The following NCALD variants were observed in gnomAD, a reference collection of about 807,000 sequenced individuals.
The protein encoded by NCALD is neurocalcin delta.
Under a neutral mutation model 18.6 loss-of-function variants are expected in NCALD, and 10 were observed. The observed-to-expected ratio is 0.54, with a 90% confidence interval of 0.33 to 0.91. The LOEUF is 0.91. Ranked by LOEUF, NCALD falls within the 40% of genes least tolerant of loss-of-function variation. NCALD has a pLI of 0.03. For missense variants in NCALD, 184 were observed against 247.6 expected (o/e 0.74, Z 1.72); for synonymous variants, 88 against 87.4 (o/e 1.01, Z -0.04).
At position 101,999,515 on chromosome 8, in the gene NCALD, G is replaced by A. The variant is rs550129365; in HGVS notation, c.-157+20722C>T. On this transcript the variant is annotated intron_variant, in intron 2 of 6. Coordinates refer to the NCALD transcript ENST00000311028. ...ATGATACAATGGACTTTGGGGACTC[G>A]GGGGAAAGGGTAGGGAGGTGAGGAA... 4.1e-4 allele frequency among the ~76,000 whole-genome samples: 63 copies of A among 152,202 alleles called. No individual in the cohort carries two copies. In the South Asian group the frequency reaches 0.011, roughly 27 times the overall value.
Position 101,719,345 on chromosome 8 carries a change from C to T in NCALD, c.285G>A (p.Gly95=), listed in dbSNP as rs761760762. 1.5e-5 allele frequency: 24 copies of T among 1,614,192 alleles called. No homozygotes were observed. Among genetic ancestry groups the T allele is most frequent in the Non-Finnish European group, 2.0e-5 (24 of 1,180,032 alleles). Residue 95 remains glycine (G), a synonymous_variant, in exon 2 of 4, where the codon GGG becomes GGA. Coordinates refer to ENST00000220931, the MANE Select transcript of NCALD (RefSeq NM_032041.3). ...CCCATTTCAGCTTCTGCTCCAGCTT[C>T]CCCCTCGAAGTTACACTCAAGGCGA... The part of the protein sequence containing the change: ...FIIALSVTSR[G]KLEQKLKWAF...
chr8:102,027,639 G>T (rs1425623952), intron 1 of NCALD, among the ~76,000 whole-genome samples: 2 of 151,980 alleles, frequency 1.3e-5, no homozygotes, highest in Non-Finnish European at 2.9e-5. Flanking sequence ...CTCATTTTTG[G>T]GTATCTTTAC....
rs189253571 is a variant in NCALD at position 102,079,572 on chromosome 8, C to T, written c.-210+44665G>A. Among the ~76,000 whole-genome samples, 15 of 152,276 alleles carry T rather than the reference C, an allele frequency of 9.9e-5. No individual in the cohort carries two copies. The South Asian group carries it at 1.2e-3, about 13-fold the overall frequency. On this transcript the variant is annotated intron_variant, in intron 1 of 6. Transcript: ENST00000311028. ...CTGTCTATAAAGGAGGAAATATAAA[C>T]GACTCTGTTGCCCATAACCCAGTTT...
At chr8:101,874,288 C>A (rs1450400938) in intron 4 of NCALD, among the ~76,000 whole-genome samples, 1 of 152,104 alleles carries the variant, frequency 6.6e-6, no homozygotes, top group Non-Finnish European at 1.5e-5. Context: ...ACAAAAGAGA[C>A]AACAAACTTT....
chr8:101,763,273 G>C (rs1563743246), intron 1 of NCALD, among the ~76,000 whole-genome samples: 1 of 152,190 alleles, frequency 6.6e-6, no homozygotes, highest in African/African-American at 2.4e-5. Flanking sequence ...AGCAATGATT[G>C]TGGCTTAAAT....
intron 1 of NCALD, among the ~76,000 whole-genome samples, chr8:101,720,693 TC>T (rs1396658047): frequency 6.6e-6 from 1 of 152,212 alleles, no homozygotes; most frequent in Non-Finnish European, 1.5e-5. Flanking sequence ...TTAAAGCTAC[TC>T]CCTTAAAGAA....
At chr8:101,825,609 C>T (rs1328358963) in intron 4 of NCALD, among the ~76,000 whole-genome samples, 1 of 152,172 alleles carries the variant, frequency 6.6e-6, no homozygotes, top group Non-Finnish European at 1.5e-5. Context: ...ACTTCTGGAC[C>T]TAAGTGGCAG....
intron 1 of NCALD, among the ~76,000 whole-genome samples, chr8:101,739,919 C>T (rs966437251): frequency 6.6e-6 from 1 of 152,108 alleles, no homozygotes; most frequent in Non-Finnish European, 1.5e-5. Context: ...TCTCTAGAGA[C>T]CCCTGACTAA....
chr8:102,046,988 A>G (rs1281517178), intron 1 of NCALD, among the ~76,000 whole-genome samples: 1 of 152,026 alleles, frequency 6.6e-6, no homozygotes, highest in African/African-American at 2.4e-5. Flanking sequence ...TCCACGCTCA[A>G]ATAGACCCCA....
At chr8:101,959,264 T>G (rs1041524560) in intron 2 of NCALD, among the ~76,000 whole-genome samples, 9 of 152,140 alleles carry the variant, frequency 5.9e-5, no homozygotes, top group Admixed American at 5.2e-4. Flanking sequence ...TTCTGATGTA[T>G]TCTCACAATT....
intron 4 of NCALD, among the ~76,000 whole-genome samples, chr8:101,833,610 GTT>G (rs555031298): frequency 0.27 from 24,003 of 88,348 alleles, 1,625 homozygotes; most frequent in African/African-American, 0.33. Context: ...TTTGTTTCTT[GTT>G]TTTTTTTTTT....
intron 1 of NCALD, among the ~76,000 whole-genome samples, chr8:102,022,844 C>A (rs996494850): frequency 4.6e-5 from 7 of 152,136 alleles, no homozygotes; most frequent in Non-Finnish European, 8.8e-5. Flanking sequence ...TCCAGTGAAT[C>A]CATTTGCCCC....
At chr8:101,929,844 G>A (rs549445997) in intron 2 of NCALD, among the ~76,000 whole-genome samples, 1 of 151,992 alleles carries the variant, frequency 6.6e-6, no homozygotes, top group Non-Finnish European at 1.5e-5. Context: ...TCAGGTGTTC[G>A]AGACCAGCCT....
intron 3 of NCALD, among the ~76,000 whole-genome samples, chr8:101,912,599 G>T (rs1162780137): frequency 3.9e-5 from 6 of 152,192 alleles, no homozygotes; most frequent in Non-Finnish European, 7.3e-5. Flanking sequence ...TCGTGCTATA[G>T]TTTGCTTGAA....
At chr8:102,111,508 A>G (rs532044949) in intron 1 of NCALD, among the ~76,000 whole-genome samples, 2 of 152,214 alleles carry the variant, frequency 1.3e-5, no homozygotes, top group Admixed American at 6.5e-5. Context: ...GCAGCAAGAC[A>G]AACTCCAGAG....
intron 1 of NCALD, among the ~76,000 whole-genome samples, chr8:101,783,461 A>G (rs1812097983): frequency 6.6e-6 from 1 of 152,232 alleles, no homozygotes; most frequent in South Asian, 2.1e-4. Context: ...TTACCTGGCT[A>G]AGGAGAATAC....
At position 101,858,322 on chromosome 8, in the gene NCALD, CA is replaced by C. The variant is rs545698234; in HGVS notation, c.-20+28818del. 9.6e-3 allele frequency among the ~76,000 whole-genome samples: 1,466 copies of C among 152,198 alleles called. 11 individuals carry two copies. Among genetic ancestry groups the C allele is most frequent in the Middle Eastern group, 0.02 (6 of 294 alleles). On this transcript the variant is annotated intron_variant, in intron 4 of 6. Coordinates refer to the NCALD transcript ENST00000311028. Reference sequence around the variant, plus strand: ...CGATTGAAGTCAATGATTTGGCCTTCAAAAGCCAGAAAAAGCTCAGGAACTA... The same window carrying C: ...CGATTGAAGTCAATGATTTGGCCTTCAAAGCCAGAAAAAGCTCAGGAACTA...
chr8:101,856,918 T>C (rs1815342779), intron 4 of NCALD, among the ~76,000 whole-genome samples: 1 of 152,136 alleles, frequency 6.6e-6, no homozygotes, highest in Non-Finnish European at 1.5e-5. Flanking sequence ...CAGCCTTATC[T>C]ACTTTGACTC....
intron 2 of NCALD, chr8:101,986,375 C>T (rs180882897): frequency 6.6e-6 from 1 of 152,400 alleles, no homozygotes. Context: ...GGTACTATGG[C>T]TTCGCCTTGA....
Sources: allele counts gnomAD v4.1 joint callset (sites outside exome capture counted in the v4.1 genomes callset), GRCh38; gene constraint gnomAD v4.1.1; transcripts MANE v1.5; gene names NCBI Gene and HGNC (gene_info 2026-07-23, HGNC 2026-07-21).